The following CR2 variants were observed in gnomAD, a reference collection of about 807,000 sequenced individuals.
CR2 encodes the protein complement receptor type 2.
CR2 carries 96 observed loss-of-function variants against 123.0 expected under a neutral mutation model. The ratio of observed to expected loss-of-function variants is 0.78; its 90% CI spans 0.66 to 0.93. CR2 has a LOEUF of 0.93. Among genes scored for constraint, CR2 ranks in the 40% least tolerant of loss-of-function variants. The pLI, the probability that CR2 is intolerant of heterozygous loss-of-function variation, is 0.00. For missense variants in CR2, 1,258 were observed against 1,361.0 expected (o/e 0.92, Z 1.19); for synonymous variants, 484 against 469.5 (o/e 1.03, Z -0.40).
At chr1:207,456,783 A>C (rs1254658441) in intron 1 of CR2, among the ~76,000 whole-genome samples, 1 of 152,184 alleles carries the variant, frequency 6.6e-6, no homozygotes, top group Admixed American at 6.5e-5. Flanking sequence ...GTCACATTAG[A>C]ATAAAACCCA....
chr1:207,486,130 C>A (rs1349423827), intron 19 of CR2, among the ~76,000 whole-genome samples: 1 of 148,068 alleles, frequency 6.8e-6, no homozygotes, highest in African/African-American at 2.5e-5. Context: ...ACTCGGGAGG[C>A]TGAGGCAGGA....
Position 207,475,014 on chromosome 1 carries a change from C to G in CR2, c.2514C>G (p.Cys838Trp), listed in dbSNP as rs760774981. Residue 838 changes from cysteine to tryptophan, a missense_variant, in exon 14 of 20, where the codon TGC becomes TGG. Transcript: ENST00000367057. ...CTTGGAGCGGGCCTTCCCCACAGTG[C>G]TTACGATCTCCTCCTGTGACTCGCT... Reference protein sequence around the residue: ...HGSWSGPSPQCLRSPPVTRCP... With the variant: ...HGSWSGPSPQWLRSPPVTRCP... 1.9e-6 allele frequency: 3 copies of G among 1,614,126 alleles called. No individual in the cohort carries two copies. The South Asian group carries it at 3.3e-5, about 18-fold the overall frequency.
At chr1:207,463,519 G>T (rs1292007579) in intron 1 of CR2, among the ~76,000 whole-genome samples, 3 of 152,094 alleles carry the variant, frequency 2.0e-5, no homozygotes, top group Admixed American at 2.0e-4. Flanking sequence ...TAAATTGTAT[G>T]AGTCCTTAAT....
intron 18 of CR2, among the ~76,000 whole-genome samples, chr1:207,482,810 G>C (rs999187656): frequency 6.6e-6 from 1 of 152,134 alleles, no homozygotes; most frequent in Admixed American, 6.6e-5. Flanking sequence ...CAGACAGAAA[G>C]AGCAGTTTGA....
At position 207,466,541 on chromosome 1, in the gene CR2, C is replaced by T; in HGVS notation, c.74C>T (p.Ser25Phe). Residue 25 changes from serine (S) to phenylalanine (F), a missense_variant, in exon 2 of 20, where the codon TCT becomes TTT. Transcript: ENST00000367057. ...APGVLGISCG[S>F]PPPILNGRIS... is the part of the protein sequence containing the mutation. ...TACTTTTCAGGGATTTCTTGTGGCT[C>T]TCCTCCGCCTATCCTAAATGGCCGG... 6.2e-7 allele frequency: 1 copy of T among 1,614,004 alleles called. No homozygotes were observed. Among genetic ancestry groups the T allele is most frequent in the Non-Finnish European group, 8.5e-7 (1 of 1,179,972 alleles).
chr1:207,480,309 C>A (rs1409674969), intron 18 of CR2, among the ~76,000 whole-genome samples: 1 of 152,088 alleles, frequency 6.6e-6, no homozygotes, highest in African/African-American at 2.4e-5. Context: ...AAAAAAATCC[C>A]AGTGGGAACG....
chr1:207,475,260 TAAAGA>T (rs777319992), intron 14 of CR2, 44 bp downstream of exon 14: 2 of 1,603,394 alleles, frequency 1.2e-6, no homozygotes, highest in Non-Finnish European at 1.7e-6. Flanking sequence ...TTGTACAGAA[TAAAGA>T]AAAGAGGTTT....
chr1:207,462,139 C>T (rs1275992771), intron 1 of CR2, among the ~76,000 whole-genome samples: 1 of 152,110 alleles, frequency 6.6e-6, no homozygotes, highest in East Asian at 1.9e-4. Flanking sequence ...ATACTAAGCT[C>T]TAGACCAGAC....
In CR2 at chr1:207,468,912, A is replaced by G. The variant is rs1335507370; in HGVS notation, c.734+13A>G. 6.2e-7 allele frequency: 1 copy of G among 1,611,138 alleles called. No homozygotes were observed. Among genetic ancestry groups the G allele is most frequent in the East Asian group, 2.2e-5 (1 of 44,866 alleles). ...TCTGTGATGAAGGGTGAGTGTCAGGATTATTTATGAGATTTAATTCATTTG... is the reference window on the plus strand; with the variant it reads ...TCTGTGATGAAGGGTGAGTGTCAGGGTTATTTATGAGATTTAATTCATTTG... On this transcript the variant is annotated intron_variant, in intron 4 of 19. Coordinates refer to ENST00000367057, the MANE Select transcript of CR2 (RefSeq NM_001006658.3).
chr1:207,469,917 C>T lies in CR2; in HGVS notation c.1040C>T (p.Ser347Phe). Residue 347 changes from serine to phenylalanine, a missense_variant, in exon 6 of 20, where the codon TCT (serine) becomes TTT (phenylalanine). Transcript: ENST00000367057. ...GCCCCACGCTGTGAACTTTCTACTT[C>T]TGCGGTTCAGTGTCCACATCCCCAG... is the stretch of plus-strand genomic sequence containing the variant. Reference protein sequence around the residue: ...GPAPRCELSTSAVQCPHPQIL... With the variant: ...GPAPRCELSTFAVQCPHPQIL... The T allele has an allele frequency of 6.2e-7, 1 of 1,614,008 alleles. No homozygotes were observed.
At chr1:207,469,305 C>A in intron 5 of CR2, 73 bp downstream of exon 5, 1 of 1,040,490 alleles carries the variant, frequency 9.6e-7, no homozygotes, top group Non-Finnish European at 1.5e-6. Context: ...CAGTCATTAC[C>A]TTACAGACTC....
chr1:207,455,478 C>T (rs952956886), intron 1 of CR2, among the ~76,000 whole-genome samples: 2 of 152,200 alleles, frequency 1.3e-5, no homozygotes, highest in Non-Finnish European at 2.9e-5. Flanking sequence ...CCTGTACAGA[C>T]TTGATTTTAT....
intron 12 of CR2, 127 bp downstream of exon 12, chr1:207,474,012 G>A: frequency 2.1e-6 from 2 of 944,664 alleles, no homozygotes; most frequent in Non-Finnish European, 1.7e-6. Flanking sequence ...AGAATATGAG[G>A]TTCCAATGGC....
rs911168355 is a variant in CR2 at position 207,462,189 on chromosome 1, C to T, written c.59-4337C>T. 5.3e-5 allele frequency among the ~76,000 whole-genome samples: 8 copies of T among 152,056 alleles called. 1 individual carries two copies. Among genetic ancestry groups the T allele is most frequent in the African/African-American group, 1.7e-4 (7 of 41,394 alleles). On this transcript the variant is annotated intron_variant, in intron 1 of 19. Transcript: ENST00000367057. ...GTGACATAAAAATGAATCTGATAGT[C>T]TTTGCCTTTGAGAAACTCCTACACT...
chr1:207,460,164 T>TGTG (rs1372598693), intron 1 of CR2, among the ~76,000 whole-genome samples: 1 of 152,228 alleles, frequency 6.6e-6, no homozygotes, highest in East Asian at 1.9e-4. Context: ...GTACAAGTAG[T>TGTG]ATCAGGATCA....
rs1658388064 is a variant in CR2, at chr1:207,474,818, C to T, written c.2324-6C>T. 6.2e-7 allele frequency: 1 copy of T among 1,613,958 alleles called. No individual in the cohort carries two copies. Among genetic ancestry groups the T allele is most frequent in the Middle Eastern group, 1.7e-4 (1 of 6,060 alleles). On this transcript the variant is annotated splice_region_variant and splice_polypyrimidine_tract_variant and intron_variant, in intron 13 of 19. Transcript: ENST00000367057. ...TGAAGTAGAACTCCCTAAATCTCTT[C>T]TGCAGTTATTCACTGTCACCCTCCA...
intron 18 of CR2, among the ~76,000 whole-genome samples, chr1:207,482,630 C>A (rs184168400): frequency 6.6e-6 from 1 of 152,004 alleles, no homozygotes; most frequent in African/African-American, 2.4e-5. Flanking sequence ...ACAAGCATGT[C>A]GCTAAACAAG....
intron 17 of CR2, 110 bp downstream of exon 17, chr1:207,479,390 T>C (rs1658537394): frequency 1.3e-6 from 1 of 784,206 alleles, no homozygotes; most frequent in African/African-American, 1.7e-5. Flanking sequence ...ATAGGGAATG[T>C]TCTCTTTTTG....
intron 18 of CR2, among the ~76,000 whole-genome samples, chr1:207,483,044 A>G (rs1345731866): frequency 1.3e-5 from 2 of 152,128 alleles, no homozygotes; most frequent in South Asian, 2.1e-4. Flanking sequence ...TTAACAAAGC[A>G]TACCGTCAGG....
Sources: allele counts gnomAD v4.1 joint callset (sites outside exome capture counted in the v4.1 genomes callset), GRCh38; gene constraint gnomAD v4.1.1; transcripts MANE v1.5; gene names NCBI Gene and HGNC (gene_info 2026-07-23, HGNC 2026-07-21).